TPM1: variants seen among roughly 807,000 people sequenced by gnomAD.
TPM1 encodes the protein tropomyosin alpha-1 chain.
TPM1 carries 24 observed loss-of-function variants against 42.9 expected under a neutral mutation model. That is an observed-to-expected ratio of 0.56 (90% CI 0.41 to 0.79). The LOEUF (loss-of-function observed/expected upper bound fraction) is 0.79. Among genes scored for constraint, TPM1 ranks in the 30% least tolerant of loss-of-function variants. The pLI is 0.00. For missense variants in TPM1, 158 were observed against 351.8 expected (o/e 0.45, Z 4.41); for synonymous variants, 136 against 130.1 (o/e 1.05, Z -0.31).
chr15:63,062,873 G>A (rs1046573437), intron 8 of TPM1: 6 of 1,513,920 alleles, frequency 4.0e-6, no homozygotes, highest in Admixed American at 2.1e-5. Context: ...ATGCCATCCA[G>A]CTTGACTTCA....
Position 63,044,008 on chromosome 15 carries a change from C to T in TPM1, c.115-19C>T. On this transcript the variant is annotated intron_variant, in intron 1 of 9. Transcript: ENST00000403994. ...TGCTGCACCCCCCTCCCTCCCTGTACCCCCTGGCCAACTCCCAGCTGGAAG... is the reference window on the plus strand; with the variant it reads ...TGCTGCACCCCCCTCCCTCCCTGTATCCCCTGGCCAACTCCCAGCTGGAAG... 6.2e-7 allele frequency: 1 copy of T among 1,612,458 alleles called. No individual in the cohort carries two copies. The highest frequency in any genetic ancestry group is 8.5e-7 in the Non-Finnish European group (1 of 1,179,184).
At chr15:63,070,217 C>G (rs1350403102), downstream of TPM1, 4 of 1,230,710 alleles carry the variant, frequency 3.3e-6, no homozygotes, top group Admixed American at 3.5e-5. Flanking sequence ...CTTGTTTGAA[C>G]TGATAAATAA....
At chr15:63,063,983 C>T (rs894346702) in intron 8 of TPM1, 81 bp from the exon 9 acceptor site, 26 of 1,575,234 alleles carry the variant, frequency 1.7e-5, no homozygotes, top group East Asian at 4.5e-5. Flanking sequence ...TGGGATGGTG[C>T]GCGCACCACC....
chr15:63,066,165 C>G lies in TPM1; in HGVS notation c.*266C>G. ...TTCAACATTGAATAAAACTACAAAG[C>G]TGCTTCACACATATGAGGGTTAGTG... On this transcript the variant is annotated 3_prime_UTR_variant, in exon 10 of 10. Coordinates refer to ENST00000403994, the MANE Select transcript of TPM1 (RefSeq NM_001018005.2). The G allele has an allele frequency of 6.9e-7, 1 of 1,446,486 alleles. No homozygotes were observed. The highest frequency in any genetic ancestry group is 1.5e-5 in the South Asian group (1 of 67,124). The allele number at this position is 1,446,486 out of a possible 1,614,324, so 89.6% of individuals were successfully genotyped here.
At chr15:63,043,884 TTCTCTC>T in intron 1 of TPM1, 137 bp from the exon 2 acceptor site, 1 of 1,550,874 alleles carries the variant, frequency 6.4e-7, no homozygotes. Flanking sequence ...CTCTTTCTCT[TTCTCTC>T]TCTCCCTCCC....
At chr15:63,063,206 T>A in intron 8 of TPM1, 1 of 985,442 alleles carries the variant, frequency 1.0e-6, no homozygotes. Context: ...CTCACAGATA[T>A]CCTAAATGTT....
At chr15:63,044,695 G>A (rs958181540) in intron 2 of TPM1, 2 of 203,370 alleles carry the variant, frequency 9.8e-6, no homozygotes, top group Non-Finnish European at 2.0e-5. Flanking sequence ...TTTCTCATTA[G>A]TGTAAGCCTT....
At chr15:63,063,630 A>G (rs901804907) in intron 8 of TPM1, among the ~76,000 whole-genome samples, 8 of 152,214 alleles carry the variant, frequency 5.3e-5, no homozygotes, top group African/African-American at 1.9e-4. Flanking sequence ...CTTCCAAAAC[A>G]CTGCCCTTGC....
At chr15:63,068,009 G>C (rs1312826020), downstream of TPM1, among the ~76,000 whole-genome samples, 2 of 152,198 alleles carry the variant, frequency 1.3e-5, no homozygotes, top group African/African-American at 2.4e-5. Flanking sequence ...CTGACCCTCT[G>C]GATTCTCCAG....
downstream of TPM1, chr15:63,066,309 AGAGTTCT>A (rs959827168): frequency 6.5e-6 from 4 of 617,840 alleles, no homozygotes; most frequent in Non-Finnish European, 8.7e-6. Flanking sequence ...ATTCCCTCTC[AGAGTTCT>A]GATTTTCAAA....
chr15:63,061,782 T>C lies in TPM1; in HGVS notation c.633T>C (p.Ala211=). 1 of 1,614,144 alleles carries C rather than the reference T, an allele frequency of 6.2e-7. No individual in the cohort carries two copies. The highest frequency in any genetic ancestry group is 1.1e-5 in the South Asian group (1 of 91,084). ...TNNLKSLEAQ[A]EKYSQKEDRY... is the part of the protein sequence containing the mutation. ...ACTTGAAGTCACTGGAGGCTCAGGCTGAGAAGGTAGGCCAGGAGGATGGTG... is the reference window on the plus strand; with the variant it reads ...ACTTGAAGTCACTGGAGGCTCAGGCCGAGAAGGTAGGCCAGGAGGATGGTG... The change falls in exon 6 of 10, where the codon GCT becomes GCC. Residue 211 remains alanine, a synonymous_variant. Transcript: ENST00000403994.
chr15:63,071,185 C>T (rs1466648870), exon 9 of TPM1: 3 of 1,580,038 alleles, frequency 1.9e-6, no homozygotes. Flanking sequence ...ACCTCCTTAG[C>T]TGCGACCACA....
At chr15:63,053,906 T>G (rs1272371447) in intron 2 of TPM1, among the ~76,000 whole-genome samples, 1 of 152,038 alleles carries the variant, frequency 6.6e-6, no homozygotes, top group Non-Finnish European at 1.5e-5. Context: ...GGTCTCGAAC[T>G]CCTGACCTCA....
chr15:63,071,892 G>A (rs2036619552), exon 9 of TPM1: 1 of 152,802 alleles, frequency 6.5e-6, no homozygotes, highest in African/African-American at 2.4e-5. Context: ...GGAATAAAAT[G>A]CACATTGTAG....
intron 4 of TPM1, chr15:63,059,923 C>T (rs887358648): frequency 1.3e-5 from 5 of 373,772 alleles, no homozygotes; most frequent in South Asian, 4.3e-5. Context: ...AACTCCTCTC[C>T]CCCAGCCACA....
chr15:63,052,166 A>C (rs1176490156), intron 2 of TPM1, among the ~76,000 whole-genome samples: 1 of 152,156 alleles, frequency 6.6e-6, no homozygotes, highest in Non-Finnish European at 1.5e-5. Context: ...TTTGAAATAA[A>C]AGAAACTAGC....
chr15:63,055,043 A>C (rs2034559128), intron 2 of TPM1, among the ~76,000 whole-genome samples: 1 of 150,178 alleles, frequency 6.7e-6, no homozygotes, highest in East Asian at 1.9e-4. Flanking sequence ...AAAAAAGCCT[A>C]ATGGTTTTTA....
chr15:63,047,899 T>G, intron 2 of TPM1: 1 of 226,864 alleles, frequency 4.4e-6, no homozygotes. Flanking sequence ...AGCAGGAAAC[T>G]AGGAGCCAGA....
At chr15:63,050,306 G>T (rs530316810) in intron 2 of TPM1, among the ~76,000 whole-genome samples, 1 of 152,154 alleles carries the variant, frequency 6.6e-6, no homozygotes, top group Non-Finnish European at 1.5e-5. Context: ...TTGTTGGGGC[G>T]GGGGGCTTGA....
Sources: allele counts gnomAD v4.1 joint callset (sites outside exome capture counted in the v4.1 genomes callset), GRCh38; gene constraint gnomAD v4.1.1; transcripts MANE v1.5; gene names NCBI Gene and HGNC (gene_info 2026-07-23, HGNC 2026-07-21).